ZNF257: variants seen among roughly 807,000 people sequenced by gnomAD.
ZNF257 encodes zinc finger protein 257, also known as bone marrow zinc finger 4.
A neutral mutation model predicts 11.9 loss-of-function variants in ZNF257; 12 were observed. That is an observed-to-expected ratio of 1.01 (90% confidence interval 0.65 to 1.63). The LOEUF is 1.63. ZNF257 is among the 40% of genes most tolerant of loss of function. The probability of loss-of-function intolerance (pLI) is 0.00; values close to 1 mark genes in which losing one functional copy is unlikely to be tolerated. For missense variants in ZNF257, 580 were observed against 665.5 expected, an observed-to-expected ratio of 0.87 and a Z score of 1.41; for synonymous variants, 183 against 222.7, an observed-to-expected ratio of 0.82 and a Z score of 1.59.
At chr19:22,064,680 A>T (rs2021894114) in intron 1 of ZNF257, among the ~76,000 whole-genome samples, 1 of 152,210 alleles carries the variant, frequency 6.6e-6, no homozygotes, top group Non-Finnish European at 1.5e-5. Flanking sequence ...CTTTAGTTGT[A>T]CTTTGGTTTC....
At chr19:22,082,437 A>C (rs1469239886) in intron 3 of ZNF257, among the ~76,000 whole-genome samples, 3 of 152,116 alleles carry the variant, frequency 2.0e-5, no homozygotes, top group African/African-American at 7.2e-5. Flanking sequence ...GCCTCCTAAA[A>C]CTGTAAGATT....
At chr19:22,058,108 T>C (rs2021691817) in intron 1 of ZNF257, among the ~76,000 whole-genome samples, 1 of 141,800 alleles carries the variant, frequency 7.1e-6, no homozygotes, top group Admixed American at 7.3e-5. Context: ...ATGTGCAGAG[T>C]CTGTGTCTGG....
chr19:22,087,680 G>A lies in ZNF257; in HGVS notation c.227-297G>A, dbSNP rs76235904. 7.4e-4 allele frequency: 573 copies of A among 779,108 alleles called. 5 individuals are homozygous for A. In the African/African-American group the frequency reaches 9.7e-3, roughly 13 times the overall value. 48.3% of individuals were successfully genotyped at this position (779,108 alleles called of 1,614,324 possible). ...TAAGGGCACTATGTTATACTGAGGA[G>A]AAGGAAGTACTGTGTTGGGTTAATA... On this transcript the variant is annotated intron_variant, in intron 3 of 3. Coordinates refer to ENST00000594947, the MANE Select transcript of ZNF257 (RefSeq NM_033468.4).
chr19:22,071,774 G>A (rs1238271595), intron 1 of ZNF257, among the ~76,000 whole-genome samples: 2 of 152,078 alleles, frequency 1.3e-5, no homozygotes, highest in African/African-American at 2.4e-5. Flanking sequence ...CTGGGAAGGT[G>A]TGAATACTCA....
Position 22,052,526 on chromosome 19 carries a change from C to G in ZNF257, c.-107C>G. ...AGCCCGAGCTGCAGGTCTCGTCTTC[C>G]CTGGTCTGTGTCCTCTTCTCCTAGG... On this transcript the variant is annotated 5_prime_UTR_variant, in exon 1 of 4. Transcript: ENST00000594947. 1 of 1,392,932 alleles carries G rather than the reference C, an allele frequency of 7.2e-7. No homozygotes were observed. The highest frequency in any genetic ancestry group is 1.0e-6 in the Non-Finnish European group (1 of 995,558). The allele number at this position is 1,392,932 out of a possible 1,614,324, so 86.3% of individuals were successfully genotyped here.
chr19:22,083,437 C>T (rs1024840915), intron 3 of ZNF257, among the ~76,000 whole-genome samples: 7 of 152,134 alleles, frequency 4.6e-5, no homozygotes, highest in African/African-American at 9.7e-5. Context: ...CGCCATTGCA[C>T]TCCAGCTGGG....
rs137956372 is a variant in ZNF257 at position 22,069,730 on chromosome 19, A to C, written c.4-3079A>C. On this transcript the variant is annotated intron_variant, in intron 1 of 3. Transcript: ENST00000594947. ...TTATTTCTTTTATTTTGCTAAGAATACTTATTTATCTTCTAATAAAATTAT... is the reference window on the plus strand; with the variant it reads ...TTATTTCTTTTATTTTGCTAAGAATCCTTATTTATCTTCTAATAAAATTAT... 6.3e-3 allele frequency among the ~76,000 whole-genome samples: 834 copies of C among 131,476 alleles called. 5 individuals carry two copies. Among genetic ancestry groups the C allele is most frequent in the African/African-American group, 0.021 (766 of 35,632 alleles). The allele number at this position is 131,476 out of a possible 152,430, so 86.3% of individuals were successfully genotyped here.
intron 3 of ZNF257, 104 bp downstream of exon 3, chr19:22,073,668 A>G (rs2022162151): frequency 7.1e-7 from 1 of 1,405,364 alleles, no homozygotes; most frequent in African/African-American, 1.5e-5. Context: ...CTGTATTCCA[A>G]GGGATATAGT....
At chr19:22,067,489 C>T (rs963529893) in intron 1 of ZNF257, among the ~76,000 whole-genome samples, 3 of 151,388 alleles carry the variant, frequency 2.0e-5, no homozygotes, top group South Asian at 2.1e-4. Context: ...TAAAAAAAAA[C>T]GTTTATCTGA....
At chr19:22,085,797 G>T (rs1259750508) in intron 3 of ZNF257, among the ~76,000 whole-genome samples, 2 of 151,672 alleles carry the variant, frequency 1.3e-5, no homozygotes, top group East Asian at 3.9e-4. Context: ...TTTGAGTTTT[G>T]ACTTCATATA....
chr19:22,089,463 G>T lies in ZNF257; in HGVS notation c.*21G>T, dbSNP rs368709510. 23 of 1,591,720 alleles carry T rather than the reference G, an allele frequency of 1.4e-5. No individual in the cohort carries two copies. Among genetic ancestry groups the T allele is most frequent in the Non-Finnish European group, 1.8e-5 (21 of 1,169,134 alleles). On this transcript the variant is annotated 3_prime_UTR_variant, in exon 4 of 4. Transcript: ENST00000594947. ...CATAATGGAGAAAAACCCTACAAATGTGAAGAATGTGTCAAAGCTTTTAAC... is the reference window on the plus strand; with the variant it reads ...CATAATGGAGAAAAACCCTACAAATTTGAAGAATGTGTCAAAGCTTTTAAC...
At chr19:22,079,337 A>G (rs1454734220) in intron 3 of ZNF257, among the ~76,000 whole-genome samples, 2 of 152,124 alleles carry the variant, frequency 1.3e-5, no homozygotes, top group African/African-American at 2.4e-5. Context: ...GTTTCTGGCT[A>G]TAGTTGTAAT....
At position 22,052,513 on chromosome 19, in the gene ZNF257, A is replaced by C. The variant is rs1238533432; in HGVS notation, c.-120A>C. ...TGTCTCTCGCTCTAGCCCGAGCTGC[A>C]GGTCTCGTCTTCCCTGGTCTGTGTC... On this transcript the variant is annotated 5_prime_UTR_variant, in exon 1 of 4. Coordinates refer to ENST00000594947, the MANE Select transcript of ZNF257 (RefSeq NM_033468.4). The C allele has an allele frequency of 3.3e-6, 4 of 1,197,438 alleles. No homozygotes were observed. The African/African-American group carries it at 4.6e-5, about 14-fold the overall frequency. The allele number at this position is 1,197,438 out of a possible 1,614,324, so 74.2% of individuals were successfully genotyped here. A position where few individuals can be genotyped will look rare whatever the true frequency, so the allele number is the denominator to read the frequency against.
chr19:22,063,559 A>G (rs2021864102), intron 1 of ZNF257, among the ~76,000 whole-genome samples: 1 of 152,178 alleles, frequency 6.6e-6, no homozygotes, highest in Non-Finnish European at 1.5e-5. Flanking sequence ...CTGTATCTTT[A>G]TTCTCAGTTG....
Position 22,062,291 on chromosome 19 carries a change from T to A in ZNF257, c.3+9656T>A, listed in dbSNP as rs960399143. 8.0e-5 allele frequency among the ~76,000 whole-genome samples: 12 copies of A among 150,296 alleles called. 1 individual carries two copies. In the South Asian group the frequency reaches 2.5e-3, roughly 32 times the overall value. ...CCCAGTCTGGAGTGCAGTGGCGAATTTTTTTTGTATTTTTCGTAGAGACGG... is the reference window on the plus strand; with the variant it reads ...CCCAGTCTGGAGTGCAGTGGCGAATATTTTTTGTATTTTTCGTAGAGACGG... On this transcript the variant is annotated intron_variant, in intron 1 of 3. Coordinates refer to ENST00000594947, the MANE Select transcript of ZNF257 (RefSeq NM_033468.4).
Position 22,089,822 on chromosome 19 carries a change from A to T in ZNF257, c.*380A>T, listed in dbSNP as rs1236602925. The T allele has an allele frequency of 1.2e-5, 3 of 243,964 alleles. No individual in the cohort carries two copies. The highest frequency in any genetic ancestry group is 2.4e-5 in the Non-Finnish European group (3 of 123,098). 15.1% of individuals were successfully genotyped at this position (243,964 alleles called of 1,614,324 possible). ...GTCACAAAGCCCTTAATAAGTCCTCAATTCTTAACAGATATAAGATGTTTC... is the reference window on the plus strand; with the variant it reads ...GTCACAAAGCCCTTAATAAGTCCTCTATTCTTAACAGATATAAGATGTTTC... On this transcript the variant is annotated 3_prime_UTR_variant, in exon 4 of 4. Transcript: ENST00000594947.
intron 1 of ZNF257, among the ~76,000 whole-genome samples, chr19:22,071,315 A>G (rs2145701142): frequency 6.6e-6 from 1 of 152,232 alleles, no homozygotes; most frequent in Middle Eastern, 3.4e-3. Flanking sequence ...AAGGACAGAA[A>G]TGGATGGAAT....
intron 1 of ZNF257, among the ~76,000 whole-genome samples, chr19:22,069,565 AGATTGAGT>A (rs1450581110): frequency 2.0e-5 from 3 of 152,248 alleles, no homozygotes; most frequent in Admixed American, 2.0e-4. Context: ...CAGTGAGCCA[AGATTGAGT>A]GATTGAGTGA....
chr19:22,067,244 T>C (rs1351641374), intron 1 of ZNF257, among the ~76,000 whole-genome samples: 1 of 152,178 alleles, frequency 6.6e-6, no homozygotes, highest in Non-Finnish European at 1.5e-5. Flanking sequence ...ACCTCTTTCG[T>C]TGACTCTTGT....
Sources: allele counts gnomAD v4.1 joint callset (sites outside exome capture counted in the v4.1 genomes callset), GRCh38; gene constraint gnomAD v4.1.1; transcripts MANE v1.5; gene names NCBI Gene and HGNC (gene_info 2026-07-23, HGNC 2026-07-21).